TDRD3: variants seen among roughly 807,000 people sequenced by gnomAD.
TDRD3 encodes the protein tudor domain-containing protein 3.
TDRD3 carries 45 observed loss-of-function variants against 86.7 expected under a neutral mutation model. The ratio of observed to expected loss-of-function variants is 0.52; its 90% CI spans 0.41 to 0.67. TDRD3 has a LOEUF of 0.67. Ranked by LOEUF, TDRD3 falls within the 30% of genes least tolerant of loss-of-function variation. TDRD3 has a pLI of 0.00. For missense variants in TDRD3, 814 were observed against 889.0 expected, an observed-to-expected ratio of 0.92 and a Z score of 1.07; for synonymous variants, 298 against 301.7, an observed-to-expected ratio of 0.99 and a Z score of 0.13.
At chr13:60,396,134 T>C (rs1449550216), upstream of TDRD3, among the ~76,000 whole-genome samples, 1 of 152,214 alleles carries the variant, frequency 6.6e-6, no homozygotes, top group Non-Finnish European at 1.5e-5. Context: ...CCGCAGTCTC[T>C]GCTCCAAGTC....
At chr13:60,549,015 A>T (rs138104177) in intron 12 of TDRD3, among the ~76,000 whole-genome samples, 45 of 152,276 alleles carry the variant, frequency 3.0e-4, no homozygotes, top group African/African-American at 1.1e-3. Context: ...ATTGTCATTC[A>T]TCTGCTGGAT....
At position 60,528,514 on chromosome 13, in the gene TDRD3, A is replaced by G. The variant is rs1197704271; in HGVS notation, c.1289A>G (p.Gln430Arg). ...AGAAATGAAAAACCGCCTCGTTTTC[A>G]AAGAGACTCCCAAAATTCAAAGTCA... ...QPRNEKPPRFQRDSQNSKSVL... is the reference protein window; with the variant it reads ...QPRNEKPPRFRRDSQNSKSVL... Residue 430 changes from glutamine to arginine, a missense_variant, in exon 11 of 14, where the codon CAA (glutamine) becomes CGA (arginine). Physicochemically the swap from Gln to Arg is conservative, Grantham distance 43 (BLOSUM62 1). Transcript: ENST00000377881. 3.7e-6 allele frequency: 6 copies of G among 1,613,970 alleles called. No individual in the cohort carries two copies. The highest frequency in any genetic ancestry group is 5.1e-6 in the Non-Finnish European group (6 of 1,179,972).
At chr13:60,491,698 AC>A (rs1320655738) in intron 7 of TDRD3, among the ~76,000 whole-genome samples, 1 of 152,112 alleles carries the variant, frequency 6.6e-6, no homozygotes, top group Non-Finnish European at 1.5e-5. Flanking sequence ...GGTATGATAA[AC>A]CATATGGGGT....
At chr13:60,421,326 C>A (rs1954652579) in intron 1 of TDRD3, among the ~76,000 whole-genome samples, 1 of 152,106 alleles carries the variant, frequency 6.6e-6, no homozygotes, top group South Asian at 2.1e-4. Flanking sequence ...ACAGGAACTG[C>A]CCTTTATAAA....
chr13:60,403,169 C>G (rs1161712822), intron 1 of TDRD3, among the ~76,000 whole-genome samples: 25 of 148,884 alleles, frequency 1.7e-4, no homozygotes, highest in Non-Finnish European at 1.3e-4. Flanking sequence ...ACCTATAAAT[C>G]TAGTTTCAAC....
intron 5 of TDRD3, among the ~76,000 whole-genome samples, chr13:60,481,606 T>G (rs1480893129): frequency 2.6e-5 from 4 of 152,124 alleles, no homozygotes; most frequent in Admixed American, 6.5e-5. Context: ...GGTTCTTCTT[T>G]TTTTTGTATT....
chr13:60,435,030 G>A (rs1338226961), intron 1 of TDRD3, among the ~76,000 whole-genome samples: 2 of 152,060 alleles, frequency 1.3e-5, no homozygotes, highest in African/African-American at 4.8e-5. Context: ...TTATTCATTG[G>A]TAATATTGGA....
At chr13:60,494,837 G>A (rs1031070704) in intron 8 of TDRD3, among the ~76,000 whole-genome samples, 16 of 152,102 alleles carry the variant, frequency 1.1e-4, no homozygotes, top group Non-Finnish European at 2.1e-4. Flanking sequence ...GCCATCAAAA[G>A]ATGATGCATC....
rs936980394 is a variant in TDRD3, at chr13:60,472,437, T to C, written c.495+5058T>C. Among the ~76,000 whole-genome samples, 17 of 152,166 alleles carry C rather than the reference T, an allele frequency of 1.1e-4. 1 individual carries two copies. On this transcript the variant is annotated intron_variant, in intron 5 of 13. Transcript: ENST00000377881. ...AATGTAAATCAAATACAGCGAGATA[T>C]ACTACCCTACAGCCATTATCCATTA...
intron 3 of TDRD3, among the ~76,000 whole-genome samples, chr13:60,452,951 TAG>T (rs1233771040): frequency 6.6e-6 from 1 of 152,100 alleles, no homozygotes; most frequent in Non-Finnish European, 1.5e-5. Context: ...TTTGTTACAA[TAG>T]ACTTTGTTAA....
At chr13:60,541,146 A>ATTCTTTCTTTCT (rs138633350) in intron 12 of TDRD3, among the ~76,000 whole-genome samples, 135 of 149,924 alleles carry the variant, frequency 9.0e-4, no homozygotes, top group African/African-American at 3.0e-3. Flanking sequence ...TTGTTTTTCT[A>ATTCTTTCTTTCT]TTCTTTCTTT....
At chr13:60,491,116 A>G (rs1195536412) in intron 7 of TDRD3, among the ~76,000 whole-genome samples, 1 of 143,314 alleles carries the variant, frequency 7.0e-6, no homozygotes, top group Non-Finnish European at 1.5e-5. Context: ...CTCCATCTCA[A>G]AAAAAAAAAA....
At chr13:60,421,811 C>G (rs755731106) in intron 1 of TDRD3, among the ~76,000 whole-genome samples, 1 of 151,706 alleles carries the variant, frequency 6.6e-6, no homozygotes, top group South Asian at 2.1e-4. Context: ...AGGCAGACCT[C>G]GAAAAAAACT....
In TDRD3 at chr13:60,460,249, A is replaced by G. The variant is rs1029241709; in HGVS notation, c.193-131A>G. 3 of 779,470 alleles carry G rather than the reference A, an allele frequency of 3.8e-6. No homozygotes were observed. The African/African-American group carries it at 5.5e-5, about 14-fold the overall frequency. The allele number at this position is 779,470 out of a possible 1,614,324, so 48.3% of individuals were successfully genotyped here. ...TTGATAATATATAATTTCAGTTTCAATCTTAATTGAAGTTATTATAAATCA... is the reference window on the plus strand; with the variant it reads ...TTGATAATATATAATTTCAGTTTCAGTCTTAATTGAAGTTATTATAAATCA... On this transcript the variant is annotated intron_variant, in intron 3 of 13. Coordinates refer to ENST00000377881, the MANE Select transcript of TDRD3 (RefSeq NM_001146070.2).
intron 3 of TDRD3, among the ~76,000 whole-genome samples, chr13:60,454,546 G>A (rs749757909): frequency 4.6e-5 from 7 of 151,942 alleles, no homozygotes; most frequent in Non-Finnish European, 8.8e-5. Context: ...TTTTTAGAAG[G>A]GATATGTGCT....
upstream of TDRD3, chr13:60,397,071 T>A (rs1594881281): frequency 6.3e-6 from 2 of 316,774 alleles, no homozygotes; most frequent in African/African-American, 4.3e-5. Flanking sequence ...AGAGGCAAAG[T>A]CCCTGAACCG....
At chr13:60,431,318 T>C (rs1459104539) in intron 1 of TDRD3, among the ~76,000 whole-genome samples, 4 of 152,040 alleles carry the variant, frequency 2.6e-5, no homozygotes, top group East Asian at 1.9e-4. Flanking sequence ...TTTCAAGTAG[T>C]ACAGCTTTCA....
chr13:60,401,218 A>G (rs528133011), intron 1 of TDRD3, among the ~76,000 whole-genome samples: 1 of 152,288 alleles, frequency 6.6e-6, no homozygotes, highest in African/African-American at 2.4e-5. Context: ...TCAACCAGTC[A>G]CAGATCTAAA....
At chr13:60,485,671 T>C in intron 6 of TDRD3, 128 bp from the exon 7 acceptor site, 2 of 749,780 alleles carry the variant, frequency 2.7e-6, no homozygotes, top group Non-Finnish European at 3.8e-6. Context: ...TGGGATAGAA[T>C]TTTATTTGTG....
Sources: gnomAD v4.1 joint callset for allele counts (sites outside exome capture counted in the v4.1 genomes callset) on GRCh38, gnomAD v4.1.1 for gene constraint, MANE v1.5 for transcripts, NCBI Gene and HGNC (gene_info 2026-07-23, HGNC 2026-07-21) for gene names.